The following IGSF9B variants were observed in gnomAD, a reference collection of about 807,000 sequenced individuals.
IGSF9B encodes the protein protein turtle homolog B.
Under a neutral mutation model 143.7 loss-of-function variants are expected in IGSF9B, and 48 were observed. The ratio of observed to expected loss-of-function variants is 0.33; its 90% CI spans 0.26 to 0.42. IGSF9B has a LOEUF of 0.42. Ranked by LOEUF, IGSF9B falls within the 20% of genes least tolerant of loss-of-function variation. The pLI, the probability that IGSF9B is intolerant of heterozygous loss-of-function variation, is 1.00. For synonymous variants in IGSF9B, 903 were observed against 833.1 expected, an observed-to-expected ratio of 1.08 and a Z score of -1.44; for missense variants, 1,706 against 1,980.0, an observed-to-expected ratio of 0.86 and a Z score of 2.63.
chr11:133,926,809 C>T, intron 13 of IGSF9B, 107 bp downstream of exon 13: 3 of 918,738 alleles, frequency 3.3e-6, no homozygotes, highest in South Asian at 3.5e-5. Flanking sequence ...CTGTGGAGCA[C>T]TCAGCAAGGT....
chr11:133,943,913 C>G (rs79071988), intron 3 of IGSF9B, among the ~76,000 whole-genome samples: 8,498 of 152,312 alleles, frequency 0.056, 335 homozygotes, highest in Non-Finnish European at 0.072. Flanking sequence ...ATTTTGCCAC[C>G]TTAAAGCCTC....
intron 1 of IGSF9B, among the ~76,000 whole-genome samples, chr11:133,955,448 C>T (rs1940234015): frequency 1.3e-5 from 2 of 152,238 alleles, no homozygotes; most frequent in Non-Finnish European, 2.9e-5. Context: ...AAGCACGCCC[C>T]CCTGCACAGA....
At position 133,901,581 on chromosome 11, in the gene IGSF9B, C is replaced by T. The variant is rs1272853768; in HGVS notation, c.*7488G>A. The T allele has an allele frequency of 6.6e-6, 1 of 152,232 alleles. No homozygotes were observed. Among genetic ancestry groups the T allele is most frequent in the Admixed American group, 6.5e-5 (1 of 15,272 alleles). The allele number at this position is 152,232 out of a possible 1,614,324, so 9.4% of individuals were successfully genotyped here. ...GCATCTGATCCTTGCCTCCCACATACATTCCCCTCTCTCCTTAAAATAGAA... is the reference window on the plus strand; with the variant it reads ...GCATCTGATCCTTGCCTCCCACATATATTCCCCTCTCTCCTTAAAATAGAA... On this transcript the variant is annotated 3_prime_UTR_variant, in exon 20 of 20. Transcript: ENST00000533871.
chr11:133,931,507 T>G lies in IGSF9B; in HGVS notation c.1314A>C (p.Leu438=). The G allele has an allele frequency of 6.2e-7, 1 of 1,613,054 alleles. No individual in the cohort carries two copies. The highest frequency in any genetic ancestry group is 8.5e-7 in the Non-Finnish European group (1 of 1,179,754). ...WEYRQEAGRE[L]LIPCAAAGDP... ...CCCCTGCGGCAGCACAGGGGATAAG[T>G]AGCTCCCGGCCGGCCTCCTGCCTGT... Residue 438 remains leucine (L), a synonymous_variant, in exon 10 of 20, where the codon CTA becomes CTC. Transcript: ENST00000533871. The surrounding 1 kb of genome is among the most constrained non-coding windows in gnomAD (Gnocchi z 7.7).
In IGSF9B at chr11:133,908,929, C is replaced by T; in HGVS notation, c.*140G>A. 1.4e-6 allele frequency: 1 copy of T among 714,672 alleles called. No homozygotes were observed. The highest frequency in any genetic ancestry group is 1.9e-5 in the South Asian group (1 of 53,442). The allele number at this position is 714,672 out of a possible 1,614,324, so 44.3% of individuals were successfully genotyped here. ...GCGGCCAGGATCTGGAGGGAGACAC[C>T]CGCTCTGGCAAAAGAGGGGGCATGC... On this transcript the variant is annotated 3_prime_UTR_variant, in exon 20 of 20. Transcript: ENST00000533871.
rs2121256214 is a variant in IGSF9B, at chr11:133,902,640, G to C, written c.*6429C>G. Among the ~76,000 whole-genome samples the C allele has an allele frequency of 6.7e-6, 1 of 148,942 alleles. No individual in the cohort carries two copies. Among genetic ancestry groups the C allele is most frequent in the South Asian group, 2.1e-4 (1 of 4,652 alleles). ...AAACACTGGACTAGACAGCTGGCTG[G>C]GGGTTAGAGACCAGGGGGACAACCT... On this transcript the variant is annotated 3_prime_UTR_variant, in exon 20 of 20. Coordinates refer to ENST00000533871, the MANE Select transcript of IGSF9B (RefSeq NM_001277285.4).
chr11:133,904,596 CCCA>C lies in IGSF9B; in HGVS notation c.*4470_*4472del, dbSNP rs1939186141. Among the ~76,000 whole-genome samples the C allele has an allele frequency of 6.6e-6, 1 of 152,044 alleles. No individual in the cohort carries two copies. The highest frequency in any genetic ancestry group is 2.4e-5 in the African/African-American group (1 of 41,412). On this transcript the variant is annotated 3_prime_UTR_variant, in exon 20 of 20. Transcript: ENST00000533871. ...ATGGCTACCACTCCCCAGCCAGATG[CCCA>C]CCAGGCAATCATTCTTCGTCATCTT...
rs1463148579 is a variant in IGSF9B at position 133,911,996 on chromosome 11, G to A, written c.3995C>T (p.Pro1332Leu). 3.9e-6 allele frequency: 6 copies of A among 1,528,360 alleles called. No homozygotes were observed. The African/African-American group carries it at 5.5e-5, about 14-fold the overall frequency. 94.7% of individuals were successfully genotyped at this position (1,528,360 alleles called of 1,614,324 possible). A position where few individuals can be genotyped will look rare whatever the true frequency, so the allele number is the denominator to read the frequency against. ...PTLPTSGTLP[P>L]APGNAAAPER... ...AGGCGCAGCAGCGTTCCCGGGTGCA[G>A]GTGGAAGTGTTCTGGAAAGGACAAC... The change falls in exon 19 of 20, where the codon CCT becomes CTT. Residue 1332 changes from proline (P) to leucine (L), a missense_variant. By Grantham distance (98) the Pro-to-Leu change is moderately conservative. This residue lies in a region of IGSF9B where 880 missense variants were observed against 762.9 expected (regional missense o/e 1.15). Coordinates refer to ENST00000533871, the MANE Select transcript of IGSF9B (RefSeq NM_001277285.4).
chr11:133,907,190 C>G lies in IGSF9B; in HGVS notation c.*1879G>C, dbSNP rs1939222425. Reference sequence around the variant, plus strand: ...TCAGAAAGGAACTGCGGTGGTGTTACTTGCACGGTAAACCTCAAGGGTGGA... The same window carrying G: ...TCAGAAAGGAACTGCGGTGGTGTTAGTTGCACGGTAAACCTCAAGGGTGGA... On this transcript the variant is annotated 3_prime_UTR_variant, in exon 20 of 20. Coordinates refer to ENST00000533871, the MANE Select transcript of IGSF9B (RefSeq NM_001277285.4). Among the ~76,000 whole-genome samples the G allele has an allele frequency of 6.6e-6, 1 of 152,182 alleles. No homozygotes were observed.
rs1939266069 is a variant in IGSF9B, at chr11:133,909,370, G to C, written c.4106-93C>G. The C allele has an allele frequency of 5.9e-6, 6 of 1,024,754 alleles. No individual in the cohort carries two copies. The highest frequency in any genetic ancestry group is 8.7e-6 in the Non-Finnish European group (6 of 690,794). The allele number at this position is 1,024,754 out of a possible 1,614,324, so 63.5% of individuals were successfully genotyped here. A position where few individuals can be genotyped will look rare whatever the true frequency, so the allele number is the denominator to read the frequency against. ...ACCTTTTCCACCTGCATTTGTTCCG[G>C]GTTTCTAATGTTGAAACAAAGGAAT... On this transcript the variant is annotated intron_variant, in intron 19 of 19. Coordinates refer to ENST00000533871, the MANE Select transcript of IGSF9B (RefSeq NM_001277285.4). This position sits in a 1 kb window ranked among gnomAD's most constrained non-coding sequence, Gnocchi z 4.2.
chr11:133,909,044 C>G lies in IGSF9B; in HGVS notation c.*25G>C. On this transcript the variant is annotated 3_prime_UTR_variant, in exon 20 of 20. Transcript: ENST00000533871. The surrounding 1 kb of genome is among the most constrained non-coding windows in gnomAD (Gnocchi z 4.2). ...CTGCCTGAGCCCAGCAACCTCGCCC[C>G]GGGGACACCTAGAGTGGGGTGGAGT... 6.5e-7 allele frequency: 1 copy of G among 1,529,164 alleles called. No individual in the cohort carries two copies. Among genetic ancestry groups the G allele is most frequent in the Non-Finnish European group, 8.8e-7 (1 of 1,141,330 alleles). The allele number at this position is 1,529,164 out of a possible 1,614,324, so 94.7% of individuals were successfully genotyped here.
rs769568183 is a variant in IGSF9B, at chr11:133,920,373, CG to C, written c.3351del (p.Ala1118ProfsTer13). The C allele has an allele frequency of 3.1e-6, 5 of 1,603,568 alleles. No homozygotes were observed. The highest frequency in any genetic ancestry group is 1.7e-5 in the Admixed American group (1 of 58,036). ...ATAGGTCTGTCCTGCCACTTGGCGG[CG>C]GGGGGCGCTGGGACAGGGCCCCTGC... ...SPGRGPVPAP[P>X]AAKWQDRPMQ... is the part of the protein sequence containing the mutation. On this transcript the variant is annotated frameshift_variant, in exon 18 of 20. Coordinates refer to ENST00000533871, the MANE Select transcript of IGSF9B (RefSeq NM_001277285.4). LOFTEE classifies it high-confidence loss of function.
intron 1 of IGSF9B, 79 bp downstream of exon 1, chr11:133,956,612 G>A: frequency 1.0e-6 from 1 of 986,276 alleles, no homozygotes; most frequent in Non-Finnish European, 1.5e-6. Flanking sequence ...GGGCCAAGGA[G>A]CCGGGAAACC....
rs1298923277 is a variant in IGSF9B, at chr11:133,932,158, A to G, written c.1023T>C (p.His341=). The G allele has an allele frequency of 2.5e-6, 4 of 1,609,756 alleles. No individual in the cohort carries two copies. Among genetic ancestry groups the G allele is most frequent in the South Asian group, 1.1e-5 (1 of 90,256 alleles). The change falls in exon 8 of 20, where the codon CAT becomes CAC. Residue 341 remains histidine (H), a synonymous_variant. Transcript: ENST00000533871. The part of the protein sequence containing the change: ...PPVIYVPVGI[H]GYIRCPVDAE... ...CGTCCACAGGGCAGCGGATGTAGCC[A>G]TGGATCCCCACGGGCACGTAAATCA...
intron 1 of IGSF9B, chr11:133,952,016 C>T: frequency 2.2e-6 from 1 of 455,088 alleles, no homozygotes; most frequent in Non-Finnish European, 4.4e-6. Flanking sequence ...GGCAAGGGGC[C>T]ACAGAGGACA....
intron 19 of IGSF9B, among the ~76,000 whole-genome samples, chr11:133,911,462 T>C (rs1418696861): frequency 1.3e-5 from 2 of 152,146 alleles, no homozygotes; most frequent in African/African-American, 2.4e-5. Flanking sequence ...AGGAAGGAGA[T>C]AGAGTTATGT....
At chr11:133,918,936 A>C (rs1026929272) in intron 18 of IGSF9B, 33 of 459,362 alleles carry the variant, frequency 7.2e-5, no homozygotes, top group Non-Finnish European at 1.3e-4. Context: ...CTGGAGAAGG[A>C]AGGAGGGGCA....
At position 133,908,831 on chromosome 11, in the gene IGSF9B, G is replaced by T. The variant is rs1939253085; in HGVS notation, c.*238C>A. The T allele has an allele frequency of 2.0e-6, 1 of 507,428 alleles. No homozygotes were observed. The highest frequency in any genetic ancestry group is 3.5e-6 in the Non-Finnish European group (1 of 284,376). 31.4% of individuals were successfully genotyped at this position (507,428 alleles called of 1,614,324 possible). ...GGGCGGAGGGGAGGAGACAGGTGTT[G>T]CCCAGTCTCCAATCCACTTCCTGAC... On this transcript the variant is annotated 3_prime_UTR_variant, in exon 20 of 20. Transcript: ENST00000533871.
intron 19 of IGSF9B, among the ~76,000 whole-genome samples, chr11:133,911,223 G>C (rs1398877743): frequency 2.6e-5 from 4 of 152,202 alleles, no homozygotes; most frequent in Admixed American, 2.6e-4. Context: ...CCTTAAGAGG[G>C]CTAAATTCGT....
Sources: gnomAD v4.1 joint callset for allele counts (sites outside exome capture counted in the v4.1 genomes callset) on GRCh38, gnomAD v4.1.1 for gene constraint, gnomAD v4.1.1 regional missense constraint, Gnocchi (gnomAD v3.1) non-coding constraint, MANE v1.5 for transcripts, NCBI Gene and HGNC (gene_info 2026-07-23, HGNC 2026-07-21) for gene names.